IFT74: variants seen among roughly 807,000 people sequenced by gnomAD.
IFT74 encodes the protein intraflagellar transport 74, also known as intraflagellar transport protein 74 homolog.
A neutral mutation model predicts 96.7 loss-of-function variants in IFT74; 92 were observed. That is an observed-to-expected ratio of 0.95 (90% CI 0.80 to 1.13). The LOEUF is 1.13. Among genes scored for constraint, IFT74 ranks in the 50% most tolerant of loss-of-function variants. The pLI is 0.00. For missense variants in IFT74, 811 were observed against 698.2 expected, an observed-to-expected ratio of 1.16 and a Z score of -1.82; for synonymous variants, 223 against 213.2, an observed-to-expected ratio of 1.05 and a Z score of -0.40.
chr9:27,045,211 C>T (rs778723491), intron 14 of IFT74, among the ~76,000 whole-genome samples: 34 of 152,198 alleles, frequency 2.2e-4, no homozygotes, highest in Admixed American at 4.6e-4. Flanking sequence ...GAGTGTGAAC[C>T]CTATCGCGTA....
At chr9:27,027,525 G>A (rs564956057) in intron 12 of IFT74, among the ~76,000 whole-genome samples, 57 of 152,162 alleles carry the variant, frequency 3.7e-4, no homozygotes, top group African/African-American at 1.3e-3. Context: ...GGTATGAAGC[G>A]GTGTCTCACT....
intron 2 of IFT74, among the ~76,000 whole-genome samples, chr9:26,970,341 A>G (rs959136485): frequency 1.3e-5 from 2 of 152,178 alleles, no homozygotes; most frequent in African/African-American, 4.8e-5. Flanking sequence ...TTTTTAATGT[A>G]TTTATAAACA....
chr9:26,967,603 G>A (rs1587250444), intron 2 of IFT74, among the ~76,000 whole-genome samples: 1 of 151,860 alleles, frequency 6.6e-6, no homozygotes, highest in Non-Finnish European at 1.5e-5. Context: ...TTGTCTGATT[G>A]CTCTAGCCAG....
intron 10 of IFT74, among the ~76,000 whole-genome samples, chr9:27,012,368 A>T (rs1048233900): frequency 6.6e-6 from 1 of 152,120 alleles, no homozygotes; most frequent in Non-Finnish European, 1.5e-5. Context: ...GACTTCAGGC[A>T]GGAACCACCA....
chr9:26,999,757 G>A, intron 8 of IFT74: 1 of 703,236 alleles, frequency 1.4e-6, no homozygotes, highest in Non-Finnish European at 2.2e-6. Context: ...TCCCTCTTTT[G>A]AATCTGTTTA....
chr9:26,977,836 G>A (rs1827192966), intron 2 of IFT74, among the ~76,000 whole-genome samples: 1 of 152,096 alleles, frequency 6.6e-6, no homozygotes. Flanking sequence ...ATTTTCTGCT[G>A]TGGACATTTA....
intron 8 of IFT74, among the ~76,000 whole-genome samples, chr9:26,991,505 C>A (rs1415565401): frequency 3.9e-5 from 6 of 152,108 alleles, no homozygotes; most frequent in African/African-American, 1.4e-4. Context: ...CAGGAGTGAA[C>A]CATTATACCC....
intron 1 of IFT74, among the ~76,000 whole-genome samples, chr9:26,948,591 C>T (rs1825834019): frequency 6.6e-6 from 1 of 150,602 alleles, no homozygotes; most frequent in Admixed American, 6.6e-5. Flanking sequence ...CTCAGCCTCC[C>T]GAGTAGCTGG....
intron 6 of IFT74, among the ~76,000 whole-genome samples, 184 bp from the exon 7 acceptor site, chr9:26,988,485 A>G (rs1827728668): frequency 1.3e-5 from 2 of 152,252 alleles, no homozygotes; most frequent in African/African-American, 4.8e-5. Flanking sequence ...GGCCAGGTGC[A>G]TAATATATGC....
upstream of IFT74, among the ~76,000 whole-genome samples, chr9:26,953,720 A>C (rs1826002395): frequency 7.1e-6 from 1 of 141,570 alleles, no homozygotes; most frequent in African/African-American, 2.8e-5. Context: ...TATGTTGCCC[A>C]GGCCAGTCTT....
At chr9:27,044,674 A>C in intron 13 of IFT74, 68 bp from the exon 14 acceptor site, 1 of 863,804 alleles carries the variant, frequency 1.2e-6, no homozygotes, top group Admixed American at 2.3e-5. Context: ...AACCAAAGAG[A>C]GATTTTTAAT....
intron 16 of IFT74, among the ~76,000 whole-genome samples, chr9:27,051,671 T>C (rs1161658144): frequency 1.3e-5 from 2 of 152,244 alleles, no homozygotes; most frequent in Non-Finnish European, 2.9e-5. Flanking sequence ...AATGAAGTCA[T>C]ACAGTATTTG....
intron 6 of IFT74, among the ~76,000 whole-genome samples, chr9:26,987,023 T>G (rs956254023): frequency 2.6e-5 from 4 of 152,186 alleles, no homozygotes; most frequent in African/African-American, 9.7e-5. Flanking sequence ...ATGTTCTGTT[T>G]TAAATGTGAG....
chr9:27,021,639 AT>A (rs1397739886), intron 12 of IFT74, among the ~76,000 whole-genome samples: 4 of 152,026 alleles, frequency 2.6e-5, no homozygotes, highest in African/African-American at 9.7e-5. Flanking sequence ...TTTGAGAGTC[AT>A]CTATTCATGT....
chr9:26,991,126 C>T (rs1261414722), intron 8 of IFT74, among the ~76,000 whole-genome samples: 2 of 152,160 alleles, frequency 1.3e-5, no homozygotes, highest in South Asian at 2.1e-4. Flanking sequence ...GTTACCTCTG[C>T]ATAAAACAGT....
chr9:26,994,330 C>T (rs943312857), intron 8 of IFT74: 10 of 151,868 alleles, frequency 6.6e-5, no homozygotes, highest in African/African-American at 2.4e-4. Context: ...TGAGGTCAGG[C>T]GTTCGAGACC....
At chr9:26,988,972 G>A (rs1827753723) in intron 7 of IFT74, among the ~76,000 whole-genome samples, 1 of 152,054 alleles carries the variant, frequency 6.6e-6, no homozygotes, top group African/African-American at 2.4e-5. Flanking sequence ...CTGGTGTCAC[G>A]TGCAACATTA....
At chr9:27,016,331 A>C (rs1829340883) in intron 10 of IFT74, among the ~76,000 whole-genome samples, 1 of 152,172 alleles carries the variant, frequency 6.6e-6, no homozygotes, top group Admixed American at 6.5e-5. Flanking sequence ...CTTCTTATAA[A>C]GGGCACCATC....
chr9:27,010,512 C>G (rs577366131), intron 9 of IFT74, among the ~76,000 whole-genome samples: 21 of 140,674 alleles, frequency 1.5e-4, no homozygotes, highest in Non-Finnish European at 2.1e-4. Flanking sequence ...TTTTTTGAGA[C>G]GGAGTTTCGC....
Sources: allele counts gnomAD v4.1 joint callset (sites outside exome capture counted in the v4.1 genomes callset), GRCh38; gene constraint gnomAD v4.1.1; transcripts MANE v1.5; gene names NCBI Gene and HGNC (gene_info 2026-07-23, HGNC 2026-07-21).